Variants in ARAP1 observed in about 807,000 individuals in gnomAD.
The protein encoded by ARAP1 is ArfGAP with RhoGAP domain, ankyrin repeat and PH domain 1, also known as arf-GAP with Rho-GAP domain, ANK repeat and PH domain-containing protein 1.
Under a neutral mutation model 172.2 loss-of-function variants are expected in ARAP1, and 76 were observed. The ratio of observed to expected loss-of-function variants is 0.44; its 90% CI spans 0.37 to 0.53. The LOEUF (loss-of-function observed/expected upper bound fraction) is 0.53. ARAP1 is among the 20% of genes least tolerant of loss of function. The pLI, the probability that ARAP1 is intolerant of heterozygous loss-of-function variation, is 0.00. For missense variants in ARAP1, 1,686 were observed against 1,977.5 expected, an observed-to-expected ratio of 0.85 and a Z score of 2.80; for synonymous variants, 804 against 803.3, an observed-to-expected ratio of 1.00 and a Z score of -0.01.
At chr11:72,733,132 A>G (rs1244844835) in intron 1 of ARAP1, among the ~76,000 whole-genome samples, 1 of 152,206 alleles carries the variant, frequency 6.6e-6, no homozygotes, top group Non-Finnish European at 1.5e-5. Context: ...TGGAGGGAGA[A>G]GGCAGACAGA....
Position 72,697,450 on chromosome 11 carries a change from G to C in ARAP1, c.2826C>G (p.Phe942Leu), listed in dbSNP as rs1856260093. The change falls in exon 21 of 35, where the codon TTC becomes TTG. Residue 942 changes from phenylalanine to leucine, a missense_variant. This residue lies in a region of ARAP1 where 274 missense variants were observed against 262.7 expected (regional missense o/e 1.04). Transcript: ENST00000393609. ...TCTGGATGGCCCCCAGCCAACCCATGAAGTCCAGCCGCCGCTCGCCCTGTA... is the reference window on the plus strand; with the variant it reads ...TCTGGATGGCCCCCAGCCAACCCATCAAGTCCAGCCGCCGCTCGCCCTGTA... ...LYIQGERRLD[F>L]MGWLGAIQKA... 1 of 1,612,950 alleles carries C rather than the reference G, an allele frequency of 6.2e-7. No individual in the cohort carries two copies. The highest frequency in any genetic ancestry group is 1.7e-5 in the Admixed American group (1 of 59,986).
At chr11:72,751,042 A>C (rs1487228645) in intron 1 of ARAP1, among the ~76,000 whole-genome samples, 1 of 152,110 alleles carries the variant, frequency 6.6e-6, no homozygotes, top group Non-Finnish European at 1.5e-5. Flanking sequence ...GGGGTTGAGT[A>C]GGAGGCTTGA....
chr11:72,732,334 A>G (rs1591238488), intron 2 of ARAP1, among the ~76,000 whole-genome samples, 181 bp downstream of exon 2: 1 of 152,270 alleles, frequency 6.6e-6, no homozygotes, highest in East Asian at 1.9e-4. Flanking sequence ...CAAGGTTCCA[A>G]GGCCTGCTGG....
chr11:72,720,742 C>A (rs1857475123), intron 3 of ARAP1, among the ~76,000 whole-genome samples: 1 of 152,204 alleles, frequency 6.6e-6, no homozygotes, highest in Admixed American at 6.5e-5. Context: ...ATGTGCCAAA[C>A]ATTCTGCTAG....
intron 3 of ARAP1, among the ~76,000 whole-genome samples, chr11:72,717,212 G>C (rs1857314420): frequency 6.6e-6 from 1 of 152,162 alleles, no homozygotes; most frequent in Admixed American, 6.5e-5. Flanking sequence ...GAGACTTCTT[G>C]ATGGGCAAAT....
intron 1 of ARAP1, among the ~76,000 whole-genome samples, chr11:72,751,608 C>A (rs914915369): frequency 5.3e-5 from 8 of 152,062 alleles, no homozygotes; most frequent in Non-Finnish European, 1.0e-4. Flanking sequence ...TGAAGCACCC[C>A]CCTCCCACCT....
chr11:72,716,436 G>C (rs867620700), intron 3 of ARAP1, among the ~76,000 whole-genome samples: 4 of 152,244 alleles, frequency 2.6e-5, no homozygotes, highest in African/African-American at 9.6e-5. Flanking sequence ...ACCTGCAAAC[G>C]GTGGCGTGTC....
chr11:72,730,800 T>C (rs1299231015), intron 2 of ARAP1, among the ~76,000 whole-genome samples: 1 of 152,198 alleles, frequency 6.6e-6, no homozygotes, highest in Non-Finnish European at 1.5e-5. Context: ...AGAAGGTTAC[T>C]AGCTACAGTG....
chr11:72,722,303 T>C, intron 3 of ARAP1: 1 of 985,576 alleles, frequency 1.0e-6, no homozygotes, highest in Non-Finnish European at 1.2e-6. Context: ...CTCCCCCACC[T>C]CCTGCAGCCG....
At chr11:72,686,742 C>T (rs1855705065) in intron 33 of ARAP1, among the ~76,000 whole-genome samples, 1 of 152,326 alleles carries the variant, frequency 6.6e-6, no homozygotes, top group African/African-American at 2.4e-5. Context: ...CACTGCCTCA[C>T]TGGCCTGCTC....
At chr11:72,715,014 T>C (rs1161381222) in intron 3 of ARAP1, among the ~76,000 whole-genome samples, 1 of 152,204 alleles carries the variant, frequency 6.6e-6, no homozygotes, top group African/African-American at 2.4e-5. Flanking sequence ...CCCCACAGTG[T>C]TCCCATCTGT....
intron 1 of ARAP1, among the ~76,000 whole-genome samples, chr11:72,742,239 G>A (rs1858221131): frequency 6.6e-6 from 1 of 152,206 alleles, no homozygotes; most frequent in South Asian, 2.1e-4. Flanking sequence ...CCCACAGGGA[G>A]CCCTGGAACT....
Position 72,742,263 on chromosome 11 carries a change from C to T in ARAP1, c.-127-9666G>A, listed in dbSNP as rs559402366. ...AGCCCTGGAACTTGCTCACCTGATC[C>T]GGCCACCCCTGCTTGCAGCAACAAA... On this transcript the variant is annotated intron_variant, in intron 1 of 34. Coordinates refer to ENST00000393609, the MANE Select transcript of ARAP1 (RefSeq NM_001040118.3). Among the ~76,000 whole-genome samples, 7 of 152,264 alleles carry T rather than the reference C, an allele frequency of 4.6e-5. No homozygotes were observed. In the South Asian group the frequency reaches 8.3e-4, roughly 18 times the overall value.
Position 72,710,401 on chromosome 11 carries a change from A to C in ARAP1, c.1400T>G (p.Leu467Arg). The C allele has an allele frequency of 6.2e-7, 1 of 1,614,004 alleles. No individual in the cohort carries two copies. The highest frequency in any genetic ancestry group is 8.5e-7 in the Non-Finnish European group (1 of 1,179,956). ...CCTTAGCACCTCTAGATTCTTGTAG[A>C]GCTGCACTTTGTCCCCGACCACGGC... ...YVAVVGDKVQ[L>R]YKNLEEYHLG... is the part of the protein sequence containing the mutation. Residue 467 changes from leucine to arginine, a missense_variant, in exon 10 of 35, where the codon CTC (leucine) becomes CGC (arginine). Leu to Arg is a moderately radical substitution (Grantham distance 102). Transcript: ENST00000393609. The surrounding 1 kb of genome is among the most constrained non-coding windows in gnomAD (Gnocchi z 4.3).
intron 1 of ARAP1, among the ~76,000 whole-genome samples, chr11:72,746,280 C>A (rs1207025598): frequency 3.3e-5 from 5 of 152,210 alleles, no homozygotes; most frequent in African/African-American, 1.2e-4. Flanking sequence ...ACCTAGTCTG[C>A]AGGGTTCCCA....
rs1367770280 is a variant in ARAP1 at position 72,741,228 on chromosome 11, A to G, written c.-127-8631T>C. On this transcript the variant is annotated intron_variant, in intron 1 of 34. Transcript: ENST00000393609. This position sits in a 1 kb window ranked among gnomAD's most constrained non-coding sequence, Gnocchi z 4.5. ...AGCTTGCCTGGACTTCTGGGCCCTC[A>G]CCGCTGCCTCCTGCCTCTGCCCCCT... is the stretch of plus-strand genomic sequence containing the variant. Among the ~76,000 whole-genome samples, 1 of 151,578 alleles carries G rather than the reference A, an allele frequency of 6.6e-6. No homozygotes were observed. The highest frequency in any genetic ancestry group is 2.4e-5 in the African/African-American group (1 of 41,242).
At position 72,710,505 on chromosome 11, in the gene ARAP1, C is replaced by A. The variant is rs2135539134; in HGVS notation, c.1296G>T (p.Leu432=). 6.2e-7 allele frequency: 1 copy of A among 1,614,044 alleles called. No homozygotes were observed. The highest frequency in any genetic ancestry group is 2.2e-5 in the East Asian group (1 of 44,866). The part of the protein sequence containing the change: ...RARARLSSAY[L]LGVPGSEQPD... Reference sequence around the variant, plus strand: ...GCTGCTCTGAGCCTGGAACTCCCAGCAGATAAGCGCTAGAGAGCCGGGCCC... The same window carrying A: ...GCTGCTCTGAGCCTGGAACTCCCAGAAGATAAGCGCTAGAGAGCCGGGCCC... Residue 432 remains leucine, a synonymous_variant, in exon 10 of 35, where the codon CTG becomes CTT. Transcript: ENST00000393609. This position sits in a 1 kb window ranked among gnomAD's most constrained non-coding sequence, Gnocchi z 4.3.
At chr11:72,690,869 CAT>C (rs1348903223) in intron 30 of ARAP1, among the ~76,000 whole-genome samples, 1 of 152,246 alleles carries the variant, frequency 6.6e-6, no homozygotes, top group Non-Finnish European at 1.5e-5. Flanking sequence ...CACAAGTGGA[CAT>C]ATATCCTACT....
At chr11:72,724,669 TA>T (rs1280023974) in intron 3 of ARAP1, among the ~76,000 whole-genome samples, 15 of 152,208 alleles carry the variant, frequency 9.9e-5, no homozygotes, top group Admixed American at 8.5e-4. Flanking sequence ...GTTGAGTGTG[TA>T]CAAAGCTGAA....
Sources: allele counts gnomAD v4.1 joint callset (sites outside exome capture counted in the v4.1 genomes callset), GRCh38; gene constraint gnomAD v4.1.1; regional missense constraint gnomAD v4.1.1; non-coding constraint Gnocchi (gnomAD v3.1); transcripts MANE v1.5; gene names NCBI Gene and HGNC (gene_info 2026-07-23, HGNC 2026-07-21).